The following CSPG4 variants were observed in gnomAD, a reference collection of about 807,000 sequenced individuals.
CSPG4 encodes chondroitin sulfate proteoglycan 4, also known as chondroitin sulfate proteoglycan 4 (melanoma-associated).
In CSPG4, 74 loss-of-function variants were observed where a neutral mutation model predicts 139.3. The observed-to-expected ratio is 0.53, with a 90% CI of 0.44 to 0.64. CSPG4 has a LOEUF of 0.64. Ranked by LOEUF, CSPG4 falls within the 30% of genes least tolerant of loss-of-function variation. The pLI is 0.00. For synonymous variants in CSPG4, 1,234 were observed against 1,394.2 expected, an observed-to-expected ratio of 0.89 and a Z score of 2.56; for missense variants, 2,565 against 3,148.3, an observed-to-expected ratio of 0.81 and a Z score of 4.43.
rs1408664590 is a variant in CSPG4, at chr15:75,676,131, G to A, written c.6388C>T (p.Pro2130Ser). The change falls in exon 10 of 10, where the codon CCA (proline) becomes TCA (serine). Residue 2130 changes from proline to serine, a missense_variant. Physicochemically the swap from Pro to Ser is moderately conservative, Grantham distance 74 (BLOSUM62 -1). Transcript: ENST00000308508. ...DGRLGLEVGR[P>S]EGRAPGPAGD... The stretch of plus-strand genomic sequence containing the variant: ...GCGGGGCCGGGGGCCCTCCCCTCTG[G>A]CCTGCCCACCTCCAGCCCCAGCCTC... 6.5e-7 allele frequency: 1 copy of A among 1,542,254 alleles called. No individual in the cohort carries two copies. The highest frequency in any genetic ancestry group is 8.7e-7 in the Non-Finnish European group (1 of 1,149,940).
intron 1 of CSPG4, among the ~76,000 whole-genome samples, chr15:75,697,145 C>A (rs1001421114): frequency 1.3e-5 from 2 of 152,158 alleles, no homozygotes; most frequent in African/African-American, 4.8e-5. Context: ...CTGCTGTGGG[C>A]TCTGTTCCTT....
Position 75,677,774 on chromosome 15 carries a change from G to A in CSPG4, c.5063C>T (p.Ala1688Val). 3 of 1,611,450 alleles carry A rather than the reference G, an allele frequency of 1.9e-6. No individual in the cohort carries two copies. Among genetic ancestry groups the A allele is most frequent in the Non-Finnish European group, 2.5e-6 (3 of 1,178,964 alleles). ...LSSPPARDVA[A>V]TLAVAVSFEA... ...AAAAGACACAGCCACAGCAAGGGTGGCGGCCACGTCCCGGGCAGGCGGCGA... is the reference window on the plus strand; with the variant it reads ...AAAAGACACAGCCACAGCAAGGGTGACGGCCACGTCCCGGGCAGGCGGCGA... The change falls in exon 9 of 10, where the codon GCC becomes GTC. Residue 1688 changes from alanine (A) to valine (V), a missense_variant. Transcript: ENST00000308508.
intron 1 of CSPG4, among the ~76,000 whole-genome samples, chr15:75,702,783 C>A (rs1168132794): frequency 6.6e-6 from 1 of 152,170 alleles, no homozygotes; most frequent in African/African-American, 2.4e-5. Context: ...AGAATCCGAG[C>A]CCCTATTTAT....
intron 1 of CSPG4, among the ~76,000 whole-genome samples, chr15:75,705,007 G>A (rs921950726): frequency 6.6e-6 from 1 of 152,226 alleles, no homozygotes; most frequent in Admixed American, 6.5e-5. Flanking sequence ...TCCCATAAAA[G>A]GTCTTGGGGC....
In CSPG4 at chr15:75,696,861, G is replaced by A. The variant is rs1428939081; in HGVS notation, c.89-3628C>T. Among the ~76,000 whole-genome samples the A allele has an allele frequency of 1.3e-5, 2 of 152,188 alleles. No individual in the cohort carries two copies. Among genetic ancestry groups the A allele is most frequent in the Non-Finnish European group, 2.9e-5 (2 of 68,024 alleles). ...CTTCTCAGGGGCTAGAGGAAACCTC[G>A]GTCAAGGTCCCCAGCAAGCCCCCTC... is the stretch of plus-strand genomic sequence containing the variant. On this transcript the variant is annotated intron_variant, in intron 1 of 9. Transcript: ENST00000308508. The surrounding 1 kb of genome is among the most constrained non-coding windows in gnomAD (Gnocchi z 4.2).
chr15:75,689,918 C>A lies in CSPG4; in HGVS notation c.1147G>T (p.Glu383Ter). The A allele has an allele frequency of 6.2e-7, 1 of 1,611,788 alleles. No homozygotes were observed. Among genetic ancestry groups the A allele is most frequent in the Non-Finnish European group, 8.5e-7 (1 of 1,179,432 alleles). The change falls in exon 3 of 10, where the codon GAG becomes TAG. Residue 383 changes from glutamate to a stop codon, truncating the protein, a stop_gained. Coordinates refer to ENST00000308508, the MANE Select transcript of CSPG4 (RefSeq NM_001897.5). LOFTEE classifies it high-confidence loss of function. ...TRNMAAGCRL[E>*]EEEYEDDAYG... ...GCATCGTCCTCATACTCCTCCTCCT[C>A]CAGCCTGCAGCCGGCTGCCATGTTG...
In CSPG4 at chr15:75,698,581, G is replaced by A. The variant is rs764444157; in HGVS notation, c.89-5348C>T. Reference sequence around the variant, plus strand: ...GTGGGTCAGTGTCACATGTACACACGTGTGTGGCGGCAAGGCAGGCGAGGA... The same window carrying A: ...GTGGGTCAGTGTCACATGTACACACATGTGTGGCGGCAAGGCAGGCGAGGA... On this transcript the variant is annotated intron_variant, in intron 1 of 9. Coordinates refer to ENST00000308508, the MANE Select transcript of CSPG4 (RefSeq NM_001897.5). This position sits in a 1 kb window ranked among gnomAD's most constrained non-coding sequence, Gnocchi z 4.3. Among the ~76,000 whole-genome samples, 6 of 152,074 alleles carry A rather than the reference G, an allele frequency of 3.9e-5. No homozygotes were observed. Among genetic ancestry groups the A allele is most frequent in the African/African-American group, 7.2e-5 (3 of 41,408 alleles).
chr15:75,684,643 G>C, intron 5 of CSPG4, 93 bp downstream of exon 5: 1 of 1,210,612 alleles, frequency 8.3e-7, no homozygotes. Context: ...AGGAAACTGA[G>C]GATCAGAGCT....
At position 75,677,235 on chromosome 15, in the gene CSPG4, C is replaced by G. The variant is rs1366231822; in HGVS notation, c.5284G>C (p.Val1762Leu). The G allele has an allele frequency of 6.7e-7, 1 of 1,486,086 alleles. No individual in the cohort carries two copies. Among genetic ancestry groups the G allele is most frequent in the East Asian group, 2.5e-5 (1 of 40,630 alleles). 92.1% of individuals were successfully genotyped at this position (1,486,086 alleles called of 1,614,324 possible). Residue 1762 changes from valine (V) to leucine (L), a missense_variant, in exon 10 of 10, where the codon GTG becomes CTG. Physicochemically the swap from Val to Leu is conservative, Grantham distance 32. Transcript: ENST00000308508. ...TQFPSRGQLL[V>L]SEEPLHAGQP... ...CCAGCATGGAGGGGCTCCTCGGACACCAACAGCTGGCCCCGGCTGGGGAAC... is the reference window on the plus strand; with the variant it reads ...CCAGCATGGAGGGGCTCCTCGGACAGCAACAGCTGGCCCCGGCTGGGGAAC...
chr15:75,707,586 C>A (rs879924710), intron 1 of CSPG4, among the ~76,000 whole-genome samples: 1 of 152,204 alleles, frequency 6.6e-6, no homozygotes, highest in Non-Finnish European at 1.5e-5. Context: ...TGTGAGGAAG[C>A]TGGGACCACC....
Position 75,677,389 on chromosome 15 carries a change from G to T in CSPG4, c.5135-5C>A. ...GGCCCTCGGGGACCCAGAGACCTGG[G>T]GGTGGGACATAGGCTATGAGGGTCC... On this transcript the variant is annotated splice_region_variant and splice_polypyrimidine_tract_variant and intron_variant, in intron 9 of 9. Transcript: ENST00000308508. 1 of 1,399,854 alleles carries T rather than the reference G, an allele frequency of 7.1e-7. No homozygotes were observed. The highest frequency in any genetic ancestry group is 9.3e-7 in the Non-Finnish European group (1 of 1,074,008). 86.7% of individuals were successfully genotyped at this position (1,399,854 alleles called of 1,614,324 possible).
intron 1 of CSPG4, among the ~76,000 whole-genome samples, chr15:75,697,174 G>T (rs887546281): frequency 2.0e-4 from 30 of 152,310 alleles, no homozygotes; most frequent in African/African-American, 6.3e-4. Context: ...TCAGAAGGCT[G>T]CCTGTGTCCC....
intron 1 of CSPG4, among the ~76,000 whole-genome samples, chr15:75,702,506 C>G (rs12908447): frequency 0.49 from 75,037 of 152,150 alleles, 19,773 homozygotes; most frequent in African/African-American, 0.7. Context: ...GGGGACAGGA[C>G]GTGGGAGGAA....
In CSPG4 at chr15:75,677,102, C is replaced by A; in HGVS notation, c.5417G>T (p.Gly1806Val). The A allele has an allele frequency of 7.1e-7, 1 of 1,413,822 alleles. No homozygotes were observed. The allele number at this position is 1,413,822 out of a possible 1,614,324, so 87.6% of individuals were successfully genotyped here. ...TCCAGCCACGGAGGCCCCTGCTGGC[C>A]CCTGGAGGTGGGCACGAAAGTGGAA... ...DGFHFRAHLQ[G>V]PAGASVAGPQ... The change falls in exon 10 of 10, where the codon GGG becomes GTG. Residue 1806 changes from glycine to valine, a missense_variant. Physicochemically the swap from Gly to Val is moderately radical, Grantham distance 109. Coordinates refer to ENST00000308508, the MANE Select transcript of CSPG4 (RefSeq NM_001897.5).
At position 75,696,915 on chromosome 15, in the gene CSPG4, C is replaced by T. The variant is rs577032877; in HGVS notation, c.89-3682G>A. Among the ~76,000 whole-genome samples, 1 of 152,356 alleles carries T rather than the reference C, an allele frequency of 6.6e-6. No homozygotes were observed. Among genetic ancestry groups the T allele is most frequent in the East Asian group, 1.9e-4 (1 of 5,180 alleles). ...CAGGGCAAGGGCTGCGCTGGCATCT[C>T]CGGGCTCCCCGGAGGCACTACTAGG... is the stretch of plus-strand genomic sequence containing the variant. On this transcript the variant is annotated intron_variant, in intron 1 of 9. Transcript: ENST00000308508. This position sits in a 1 kb window ranked among gnomAD's most constrained non-coding sequence, Gnocchi z 4.2.
intron 2 of CSPG4, among the ~76,000 whole-genome samples, chr15:75,692,285 T>C (rs1894174790): frequency 6.6e-6 from 1 of 152,172 alleles, no homozygotes; most frequent in African/African-American, 2.4e-5. Context: ...CGTCCGGTTA[T>C]TTTTTTCTTT....
chr15:75,703,549 G>A (rs1481862177), intron 1 of CSPG4, among the ~76,000 whole-genome samples: 1 of 152,192 alleles, frequency 6.6e-6, no homozygotes, highest in African/African-American at 2.4e-5. Flanking sequence ...GTCTCCACGG[G>A]GAAGGCCCAG....
rs1171286737 is a variant in CSPG4, at chr15:75,689,841, G to A, written c.1224C>T (p.Ala408=). 1.9e-6 allele frequency: 3 copies of A among 1,612,660 alleles called. No homozygotes were observed. Among genetic ancestry groups the A allele is most frequent in the Middle Eastern group, 1.7e-4 (1 of 6,036 alleles). The change falls in exon 3 of 10, where the codon GCC becomes GCT. Residue 408 remains alanine (A), a synonymous_variant. Transcript: ENST00000308508. Reference sequence around the variant, plus strand: ...GCACGCATGGCTCAGGCAGCTCCATGGCTGGCCAAGCCTCAGGGGCCAGGG... The same window carrying A: ...GCACGCATGGCTCAGGCAGCTCCATAGCTGGCCAAGCCTCAGGGGCCAGGG... The part of the protein sequence containing the change: ...FSTLAPEAWP[A]MELPEPCVPE...
intron 1 of CSPG4, among the ~76,000 whole-genome samples, chr15:75,694,815 C>T (rs996507754): frequency 1.3e-5 from 2 of 152,240 alleles, no homozygotes; most frequent in African/African-American, 2.4e-5. Flanking sequence ...CAGAGCTTGG[C>T]GCCAGCAAGG....
Sources: allele counts gnomAD v4.1 joint callset (sites outside exome capture counted in the v4.1 genomes callset), GRCh38; gene constraint gnomAD v4.1.1; non-coding constraint Gnocchi (gnomAD v3.1); transcripts MANE v1.5; gene names NCBI Gene and HGNC (gene_info 2026-07-23, HGNC 2026-07-21).